DEPDC5: variants seen among roughly 807,000 people sequenced by gnomAD.
DEPDC5 encodes DEP domain containing 5, GATOR1 subcomplex subunit, also known as GATOR1 complex protein DEPDC5.
A neutral mutation model predicts 217.3 loss-of-function variants in DEPDC5; 73 were observed. The ratio of observed to expected loss-of-function variants is 0.34; its 90% CI spans 0.28 to 0.41. DEPDC5 has a LOEUF of 0.41. Among genes scored for constraint, DEPDC5 ranks in the 10% least tolerant of loss-of-function variants. The probability of loss-of-function intolerance (pLI) is 1.00; values close to 1 mark genes in which losing one functional copy is unlikely to be tolerated. For synonymous variants in DEPDC5, 733 were observed against 756.7 expected (o/e 0.97, Z 0.51); for missense variants, 1,675 against 2,070.1 (o/e 0.81, Z 3.70).
At chr22:31,831,377 T>A (rs1259002930) in intron 24 of DEPDC5, among the ~76,000 whole-genome samples, 1 of 152,214 alleles carries the variant, frequency 6.6e-6, no homozygotes, top group Non-Finnish European at 1.5e-5. Flanking sequence ...AATATTAGTT[T>A]TTAAAAATCT....
intron 18 of DEPDC5, among the ~76,000 whole-genome samples, chr22:31,806,963 A>C (rs2087618299): frequency 6.6e-6 from 1 of 152,212 alleles, no homozygotes; most frequent in African/African-American, 2.4e-5. Flanking sequence ...GGTGAGCTAT[A>C]ATTGCGCCAT....
intron 5 of DEPDC5, 122 bp downstream of exon 5, chr22:31,765,182 T>G: frequency 2.7e-6 from 2 of 753,600 alleles, no homozygotes; most frequent in Non-Finnish European, 4.5e-6. Flanking sequence ...TGTGGCCTGC[T>G]AGGTGTGGTA....
intron 2 of DEPDC5, among the ~76,000 whole-genome samples, chr22:31,756,000 G>A (rs1569505550): frequency 6.7e-6 from 1 of 149,882 alleles, no homozygotes; most frequent in Non-Finnish European, 1.5e-5. Flanking sequence ...AGCCTCCCGA[G>A]TAGCTGGGAC....
intron 5 of DEPDC5, 125 bp downstream of exon 5, chr22:31,765,185 G>A (rs1569510965): frequency 1.3e-6 from 1 of 747,648 alleles, no homozygotes; most frequent in Admixed American, 2.3e-5. Flanking sequence ...GGCCTGCTAG[G>A]TGTGGTAATT....
chr22:31,821,300 A>T (rs777719154), intron 22 of DEPDC5, among the ~76,000 whole-genome samples: 9 of 152,234 alleles, frequency 5.9e-5, no homozygotes. Context: ...ATTAGACAGG[A>T]TGATAAAGGT....
intron 41 of DEPDC5, among the ~76,000 whole-genome samples, chr22:31,902,408 T>TTATATATATATATATATATA (rs66813737): frequency 6.6e-4 from 74 of 111,888 alleles, no homozygotes; most frequent in East Asian, 1.3e-3. Flanking sequence ...CATCTCCTTA[T>TTATATATATATATATATATA]TATATATATA....
In DEPDC5 at chr22:31,906,397, G is replaced by T; in HGVS notation, c.4712G>T (p.Arg1571Leu). The T allele has an allele frequency of 6.2e-7, 1 of 1,614,076 alleles. No homozygotes were observed. Among genetic ancestry groups the T allele is most frequent in the Non-Finnish European group, 8.5e-7 (1 of 1,180,008 alleles). Reference sequence around the variant, plus strand: ...ACAGGGGATGAAAAGTTTGCTGATCGGCTGCTGAAGGACTTCACGGACTTC... The same window carrying T: ...ACAGGGGATGAAAAGTTTGCTGATCTGCTGCTGAAGGACTTCACGGACTTC... ...SATGDEKFAD[R>L]LLKDFTDFCI... Residue 1571 changes from arginine to leucine, a missense_variant, in exon 43 of 43, where the codon CGG (arginine) becomes CTG (leucine). By Grantham distance (102) the Arg-to-Leu change is moderately radical. Transcript: ENST00000651528. This position sits in a 1 kb window ranked among gnomAD's most constrained non-coding sequence, Gnocchi z 5.1.
At chr22:31,758,658 A>G in intron 3 of DEPDC5, 25 bp downstream of exon 3, 1 of 1,601,318 alleles carries the variant, frequency 6.2e-7, no homozygotes, top group Non-Finnish European at 8.6e-7. Context: ...GGATCCATGG[A>G]ACTGGGCAAT....
intron 38 of DEPDC5, 108 bp from the exon 39 acceptor site, chr22:31,893,474 C>CT (rs2093483364): frequency 8.7e-7 from 1 of 1,144,010 alleles, no homozygotes; most frequent in East Asian, 3.0e-5. Context: ...CTGCAGTTTT[C>CT]TTTTAGGCAC....
chr22:31,815,677 C>G, intron 21 of DEPDC5: 1 of 592,336 alleles, frequency 1.7e-6, no homozygotes, highest in Admixed American at 3.6e-5. Flanking sequence ...GGGACTATAG[C>G]ATGCCACCAC....
rs577627106 is a variant in DEPDC5, at chr22:31,900,533, G to T, written c.4376-1209G>T. Among the ~76,000 whole-genome samples, 7 of 151,778 alleles carry T rather than the reference G, an allele frequency of 4.6e-5. No individual in the cohort carries two copies. In the East Asian group the frequency reaches 1.4e-3, roughly 30 times the overall value. On this transcript the variant is annotated intron_variant, in intron 40 of 42. Transcript: ENST00000651528. The stretch of plus-strand genomic sequence containing the variant: ...GCAGGCAGATCACCTGAGGTCAGCA[G>T]TTCAAGACCAGCCTGGCCAACATGT...
intron 22 of DEPDC5, among the ~76,000 whole-genome samples, chr22:31,820,729 CCA>C (rs2089612811): frequency 6.6e-6 from 1 of 152,132 alleles, no homozygotes. Flanking sequence ...TCTCCTCCTC[CCA>C]CTCTTCATGT....
At chr22:31,860,472 A>C (rs1035485193) in intron 32 of DEPDC5, among the ~76,000 whole-genome samples, 1 of 152,238 alleles carries the variant, frequency 6.6e-6, no homozygotes, top group Non-Finnish European at 1.5e-5. Context: ...TTTCTATGAT[A>C]ACCAGACATA....
chr22:31,811,146 T>C (rs1377398672), intron 20 of DEPDC5, among the ~76,000 whole-genome samples: 1 of 152,062 alleles, frequency 6.6e-6, no homozygotes, highest in African/African-American at 2.4e-5. Context: ...CTCTGCTCAC[T>C]GCAACTTCCG....
chr22:31,804,113 G>T, intron 15 of DEPDC5, 49 bp from the exon 16 acceptor site: 1 of 1,577,398 alleles, frequency 6.3e-7, no homozygotes, highest in South Asian at 1.1e-5. Context: ...AGGGACACTT[G>T]TCTCTGCCAT....
At chr22:31,862,748 C>G (rs912886637) in intron 33 of DEPDC5, among the ~76,000 whole-genome samples, 1 of 151,876 alleles carries the variant, frequency 6.6e-6, no homozygotes, top group Non-Finnish European at 1.5e-5. Context: ...CTGTGTAGGT[C>G]TTCGGATATC....
chr22:31,876,739 G>A (rs868754041), intron 37 of DEPDC5, among the ~76,000 whole-genome samples: 8 of 152,292 alleles, frequency 5.3e-5, no homozygotes, highest in Middle Eastern at 3.4e-3. Context: ...TTAAGTATCT[G>A]TGGGGTTTTT....
chr22:31,769,058 G>GGA (rs2083084081), intron 7 of DEPDC5, 195 bp downstream of exon 7: 2 of 512,916 alleles, frequency 3.9e-6, no homozygotes, highest in African/African-American at 3.9e-5. Context: ...CAGGAGATCA[G>GGA]GACCATACTG....
At chr22:31,864,775 G>A (rs1038022959) in intron 33 of DEPDC5, among the ~76,000 whole-genome samples, 2 of 151,416 alleles carry the variant, frequency 1.3e-5, no homozygotes, top group African/African-American at 2.4e-5. Flanking sequence ...TGTAACCTCC[G>A]CCTCCTGGGT....
Sources: gnomAD v4.1 joint callset for allele counts (sites outside exome capture counted in the v4.1 genomes callset) on GRCh38, gnomAD v4.1.1 for gene constraint, Gnocchi (gnomAD v3.1) non-coding constraint, MANE v1.5 for transcripts, NCBI Gene and HGNC (gene_info 2026-07-23, HGNC 2026-07-21) for gene names.